DACH1: variants seen among roughly 807,000 people sequenced by gnomAD.
DACH1 encodes the protein dachshund homolog 1.
Under a neutral mutation model 54.2 loss-of-function variants are expected in DACH1, and 12 were observed. That is an observed-to-expected ratio of 0.22 (90% CI 0.14 to 0.36). The LOEUF (loss-of-function observed/expected upper bound fraction) is 0.36, where lower values mean the gene tolerates loss of function less well. Ranked by LOEUF, DACH1 falls within the 10% of genes least tolerant of loss-of-function variation. The pLI is 1.00. For missense variants in DACH1, 805 were observed against 929.8 expected, an observed-to-expected ratio of 0.87 and a Z score of 1.75; for synonymous variants, 386 against 366.2, an observed-to-expected ratio of 1.05 and a Z score of -0.62.
intron 2 of DACH1, among the ~76,000 whole-genome samples, chr13:71,660,704 T>G (rs1384774861): frequency 3.9e-5 from 6 of 151,998 alleles, no homozygotes; most frequent in Non-Finnish European, 1.5e-5. Context: ...AATAAATCTC[T>G]AAAATATTTT....
intron 6 of DACH1, among the ~76,000 whole-genome samples, chr13:71,531,760 GT>G (rs1210452668): frequency 6.6e-6 from 1 of 151,922 alleles, no homozygotes; most frequent in Admixed American, 6.6e-5. Context: ...TTTTCTGTTT[GT>G]TTTCGGAAGT....
At chr13:71,552,880 GAAAGAGAC>G (rs1883971292) in intron 6 of DACH1, among the ~76,000 whole-genome samples, 3 of 124,454 alleles carry the variant, frequency 2.4e-5, no homozygotes, top group Non-Finnish European at 3.4e-5. Context: ...GAGAGAGAGA[GAAAGAGAC>G]AGAACTAATA....
intron 2 of DACH1, among the ~76,000 whole-genome samples, chr13:71,652,992 G>T (rs559475945): frequency 1.3e-5 from 2 of 152,080 alleles, no homozygotes; most frequent in African/African-American, 4.8e-5. Context: ...CTCCCAACTC[G>T]AGATAAATGA....
chr13:71,569,151 A>G (rs1885055733), intron 4 of DACH1, among the ~76,000 whole-genome samples: 1 of 152,026 alleles, frequency 6.6e-6, no homozygotes, highest in Non-Finnish European at 1.5e-5. Flanking sequence ...AATTCTTTCA[A>G]CCCTAAATTC....
At chr13:71,515,820 A>G (rs1881111805) in intron 6 of DACH1, among the ~76,000 whole-genome samples, 1 of 151,884 alleles carries the variant, frequency 6.6e-6, no homozygotes, top group Admixed American at 6.6e-5. Flanking sequence ...TTCTTTCAGG[A>G]GCACACTTGC....
chr13:71,607,940 C>A (rs1386582654), intron 3 of DACH1, among the ~76,000 whole-genome samples: 1 of 151,824 alleles, frequency 6.6e-6, no homozygotes, highest in Non-Finnish European at 1.5e-5. Context: ...GATACTGATG[C>A]CCAGAACGCT....
intron 1 of DACH1, among the ~76,000 whole-genome samples, chr13:71,780,979 A>G (rs1288209337): frequency 6.6e-6 from 1 of 152,152 alleles, no homozygotes; most frequent in African/African-American, 2.4e-5. Flanking sequence ...ACAAAAAATA[A>G]AAATAAATTA....
At chr13:71,598,033 G>T (rs985991722) in intron 3 of DACH1, among the ~76,000 whole-genome samples, 5 of 150,886 alleles carry the variant, frequency 3.3e-5, no homozygotes, top group African/African-American at 1.2e-4. Context: ...TGAGCCCAGA[G>T]GGCTCCTCTC....
intron 6 of DACH1, among the ~76,000 whole-genome samples, chr13:71,551,094 A>G (rs187304049): frequency 9.4e-4 from 143 of 152,222 alleles, no homozygotes; most frequent in Admixed American, 1.6e-3. Flanking sequence ...TGTTGTATGT[A>G]ATATTTAGTA....
rs139378834 is a variant in DACH1, at chr13:71,849,970, G to A, written c.848+15952C>T. 2.7e-3 allele frequency among the ~76,000 whole-genome samples: 406 copies of A among 152,296 alleles called. 1 individual carries two copies. The highest frequency in any genetic ancestry group is 9.3e-3 in the African/African-American group (388 of 41,564). ...GAAAACCTACAGTGTACATCCAGAC[G>A]TGTGTACACAAAAATGTATACATAC... On this transcript the variant is annotated intron_variant, in intron 1 of 10. Coordinates refer to ENST00000613252, the MANE Select transcript of DACH1 (RefSeq NM_080759.6).
intron 9 of DACH1, 62 bp downstream of exon 9, chr13:71,475,644 C>T (rs1420943941): frequency 6.5e-7 from 1 of 1,531,050 alleles, no homozygotes; most frequent in Non-Finnish European, 8.8e-7. Context: ...AAACACATGC[C>T]TAAACTGTCC....
At chr13:71,602,444 A>G (rs1386609567) in intron 3 of DACH1, among the ~76,000 whole-genome samples, 2 of 151,866 alleles carry the variant, frequency 1.3e-5, no homozygotes, top group Admixed American at 1.3e-4. Context: ...CTTTTTTATC[A>G]AAGCCATCTA....
chr13:71,751,327 C>T (rs1357730194), intron 1 of DACH1, among the ~76,000 whole-genome samples: 2 of 152,184 alleles, frequency 1.3e-5, no homozygotes, highest in East Asian at 3.8e-4. Context: ...TTGGCAACAA[C>T]AGCTATGACA....
intron 1 of DACH1, among the ~76,000 whole-genome samples, chr13:71,726,499 G>A (rs1358312523): frequency 3.3e-5 from 5 of 151,858 alleles, no homozygotes; most frequent in Admixed American, 6.6e-5. Context: ...AAAAGTATAC[G>A]CCTAATAGAA....
At position 71,783,978 on chromosome 13, in the gene DACH1, AAAC is replaced by A. The variant is rs1356197235; in HGVS notation, c.848+81941_848+81943del. Among the ~76,000 whole-genome samples, 903 of 150,552 alleles carry A rather than the reference AAAC, an allele frequency of 6.0e-3. 22 individuals are homozygous for A. The highest frequency in any genetic ancestry group is 0.02 in the African/African-American group (823 of 40,804). ...TCTCCAAGGTTTAAAAAAAAAAAAA[AAAC>A]AAAAAAAAAACTAAAGATAACAAAA... On this transcript the variant is annotated intron_variant, in intron 1 of 10. Transcript: ENST00000613252.
At chr13:71,464,043 T>C (rs1250354866) in intron 10 of DACH1, among the ~76,000 whole-genome samples, 1 of 152,030 alleles carries the variant, frequency 6.6e-6, no homozygotes, top group Non-Finnish European at 1.5e-5. Flanking sequence ...TCAGTCAATC[T>C]AACAGTTGTT....
chr13:71,528,827 C>T (rs1303966939), intron 6 of DACH1, among the ~76,000 whole-genome samples: 1 of 151,982 alleles, frequency 6.6e-6, no homozygotes, highest in African/African-American at 2.4e-5. Context: ...AACCTACCTA[C>T]AAAACAGAGT....
chr13:71,470,072 T>G (rs1451168343), intron 10 of DACH1, among the ~76,000 whole-genome samples: 1 of 152,200 alleles, frequency 6.6e-6, no homozygotes, highest in African/African-American at 2.4e-5. Flanking sequence ...AAAAACTTGT[T>G]TTTACTTAAA....
intron 3 of DACH1, among the ~76,000 whole-genome samples, chr13:71,615,638 G>T (rs1159193964): frequency 6.6e-6 from 1 of 152,114 alleles, no homozygotes; most frequent in African/African-American, 2.4e-5. Flanking sequence ...CAGGCTCAGA[G>T]ACTGCAGTAA....
Sources: gnomAD v4.1 joint callset for allele counts (sites outside exome capture counted in the v4.1 genomes callset) on GRCh38, gnomAD v4.1.1 for gene constraint, MANE v1.5 for transcripts, NCBI Gene and HGNC (gene_info 2026-07-23, HGNC 2026-07-21) for gene names.